Variants in IGF2BP2 observed in about 807,000 individuals in gnomAD.
IGF2BP2 encodes the protein insulin-like growth factor 2 mRNA-binding protein 2.
In IGF2BP2, 17 loss-of-function variants were observed where a neutral mutation model predicts 75.8. The observed-to-expected ratio is 0.22, with a 90% CI of 0.15 to 0.34. The LOEUF (loss-of-function observed/expected upper bound fraction) is 0.34, where lower values mean the gene tolerates loss of function less well. IGF2BP2 is among the 10% of genes least tolerant of loss of function. The probability of loss-of-function intolerance (pLI) is 1.00; values close to 1 mark genes in which losing one functional copy is unlikely to be tolerated. For missense variants in IGF2BP2, 516 were observed against 772.4 expected, an observed-to-expected ratio of 0.67 and a Z score of 3.93; for synonymous variants, 288 against 295.6, an observed-to-expected ratio of 0.97 and a Z score of 0.26.
chr3:185,677,536 C>CA (rs562138776), intron 7 of IGF2BP2, among the ~76,000 whole-genome samples: 34 of 152,072 alleles, frequency 2.2e-4, no homozygotes, highest in South Asian at 1.2e-3. Flanking sequence ...CAAATCCCAA[C>CA]AAAAAAACTT....
chr3:185,677,068 TAGAG>T (rs71164535), intron 7 of IGF2BP2, among the ~76,000 whole-genome samples: 407 of 35,832 alleles, frequency 0.011, 8 homozygotes, highest in Non-Finnish European at 0.014. Context: ...TATATATATA[TAGAG>T]AGAGAGAGAG....
intron 7 of IGF2BP2, among the ~76,000 whole-genome samples, chr3:185,685,481 T>C (rs998205034): frequency 6.6e-6 from 1 of 152,194 alleles, no homozygotes; most frequent in Non-Finnish European, 1.5e-5. Context: ...ATAGAAAGGA[T>C]AGAGTCTCTT....
At chr3:185,696,573 ATC>A in intron 4 of IGF2BP2, 37 bp downstream of exon 4, 1 of 1,551,034 alleles carries the variant, frequency 6.4e-7, no homozygotes, top group Non-Finnish European at 8.9e-7. Flanking sequence ...AACAGATAAT[ATC>A]TCTCTCCAAA....
At chr3:185,823,259 C>T in intron 1 of IGF2BP2, 46 bp from the exon 2 acceptor site, 1 of 1,485,680 alleles carries the variant, frequency 6.7e-7, no homozygotes, top group African/African-American at 1.4e-5. Context: ...TTAGATCAAG[C>T]CCGCGGGGGT....
intron 7 of IGF2BP2, among the ~76,000 whole-genome samples, chr3:185,686,753 C>A (rs1426102648): frequency 2.0e-5 from 3 of 152,048 alleles, no homozygotes; most frequent in Non-Finnish European, 2.9e-5. Flanking sequence ...ACATTTCTAT[C>A]ATTGCAGAAA....
chr3:185,795,571 CT>C (rs1737253013), intron 2 of IGF2BP2, among the ~76,000 whole-genome samples: 1 of 152,188 alleles, frequency 6.6e-6, no homozygotes, highest in Non-Finnish European at 1.5e-5. Flanking sequence ...ACAAAATCAT[CT>C]GGGTTGGTGA....
At position 185,684,593 on chromosome 3, in the gene IGF2BP2, CAG is replaced by C. The variant is rs772783552; in HGVS notation, c.812+2462_812+2463del. On this transcript the variant is annotated intron_variant, in intron 7 of 15. Transcript: ENST00000382199. The stretch of plus-strand genomic sequence containing the variant: ...CTAATTTTTGTATTTTTAGTAGAGA[CAG>C]GGTTTCACTATATGTTGGACAGGCT... Among the ~76,000 whole-genome samples the C allele has an allele frequency of 3.8e-4, 58 of 152,158 alleles. 3 individuals are homozygous for C. Among genetic ancestry groups the C allele is most frequent in the East Asian group, 3.3e-3 (17 of 5,178 alleles).
intron 2 of IGF2BP2, among the ~76,000 whole-genome samples, chr3:185,701,639 G>A (rs367879865): frequency 2.0e-5 from 3 of 152,280 alleles, no homozygotes; most frequent in African/African-American, 7.2e-5. Context: ...AATAGTTCAA[G>A]TAAACACTAC....
At chr3:185,755,180 C>G (rs1369725889) in intron 2 of IGF2BP2, among the ~76,000 whole-genome samples, 2 of 152,214 alleles carry the variant, frequency 1.3e-5, no homozygotes, top group Admixed American at 1.3e-4. Flanking sequence ...TGGGCCAGGC[C>G]TGGGGCACCA....
chr3:185,698,180 A>T, intron 3 of IGF2BP2, 119 bp downstream of exon 3: 1 of 803,680 alleles, frequency 1.2e-6, no homozygotes, highest in South Asian at 1.6e-5. Flanking sequence ...CTGAAAAGAA[A>T]GAGGCAGGAC....
chr3:185,696,352 G>A (rs528705182), intron 4 of IGF2BP2: 1 of 429,102 alleles, frequency 2.3e-6, no homozygotes, highest in Non-Finnish European at 4.1e-6. Flanking sequence ...GTCAGTGCTT[G>A]AGCACACTGC....
chr3:185,782,181 C>A (rs1735297786), intron 2 of IGF2BP2, among the ~76,000 whole-genome samples: 1 of 152,218 alleles, frequency 6.6e-6, no homozygotes, highest in East Asian at 1.9e-4. Flanking sequence ...GTAGTGAGTA[C>A]TGCTAAAAAC....
At chr3:185,699,067 G>A (rs999184966) in intron 2 of IGF2BP2, among the ~76,000 whole-genome samples, 10 of 151,908 alleles carry the variant, frequency 6.6e-5, no homozygotes, top group Non-Finnish European at 1.0e-4. Context: ...CGCCTGCCTC[G>A]GCCTCCCAAA....
intron 2 of IGF2BP2, among the ~76,000 whole-genome samples, chr3:185,721,204 T>C (rs1726481789): frequency 6.6e-6 from 1 of 152,034 alleles, no homozygotes; most frequent in East Asian, 1.9e-4. Context: ...TTTTTGTTTA[T>C]TATTATTATT....
chr3:185,698,924 C>T (rs1168879202), intron 2 of IGF2BP2, among the ~76,000 whole-genome samples: 2 of 152,190 alleles, frequency 1.3e-5, no homozygotes, highest in African/African-American at 4.8e-5. Context: ...AAGTGATTCT[C>T]CTGCCTCAGC....
intron 8 of IGF2BP2, 136 bp from the exon 9 acceptor site, chr3:185,675,567 T>G (rs765543125): frequency 1.2e-5 from 14 of 1,120,382 alleles, no homozygotes; most frequent in Non-Finnish European, 1.5e-5. Flanking sequence ...TGGTGGAGAA[T>G]CCCTGCCATC....
At chr3:185,718,684 C>CAAAAAAA (rs10699427) in intron 2 of IGF2BP2, among the ~76,000 whole-genome samples, 7 of 49,486 alleles carry the variant, frequency 1.4e-4, no homozygotes, top group Admixed American at 2.9e-4. Flanking sequence ...GACTCTGTCT[C>CAAAAAAA]AAAAAAAAAA....
chr3:185,795,035 C>A (rs1737173114), intron 2 of IGF2BP2, among the ~76,000 whole-genome samples: 4 of 152,006 alleles, frequency 2.6e-5, no homozygotes, highest in Admixed American at 1.3e-4. Flanking sequence ...CTTGCTGGAA[C>A]TACAGGCGCC....
intron 11 of IGF2BP2, 75 bp downstream of exon 11, chr3:185,658,266 C>T (rs1715782844): frequency 7.5e-7 from 1 of 1,333,528 alleles, no homozygotes; most frequent in African/African-American, 1.4e-5. Flanking sequence ...TGTGAACATT[C>T]ACTGGCCACC....
Sources: allele counts gnomAD v4.1 joint callset (sites outside exome capture counted in the v4.1 genomes callset), GRCh38; gene constraint gnomAD v4.1.1; transcripts MANE v1.5; gene names NCBI Gene and HGNC (gene_info 2026-07-23, HGNC 2026-07-21).